OLIG2: variants seen among roughly 807,000 people sequenced by gnomAD.
The protein encoded by OLIG2 is basic domain, helix-loop-helix protein, class B, 1.
A neutral mutation model predicts 13.4 loss-of-function variants in OLIG2; 12 were observed. The observed-to-expected ratio is 0.90, with a 90% confidence interval of 0.58 to 1.46. The LOEUF (loss-of-function observed/expected upper bound fraction) is 1.46, where lower values mean the gene tolerates loss of function less well. OLIG2 is among the 40% of genes most tolerant of loss of function. OLIG2 has a pLI of 0.00. For missense variants in OLIG2, 415 were observed against 487.9 expected, an observed-to-expected ratio of 0.85 and a Z score of 1.41; for synonymous variants, 250 against 233.6, an observed-to-expected ratio of 1.07 and a Z score of -0.64.
rs984290523 is a variant in OLIG2 at position 33,026,645 on chromosome 21, G to C, written c.-62-156G>C. 6.6e-6 allele frequency: 4 copies of C among 602,464 alleles called. No individual in the cohort carries two copies. The Admixed American group carries it at 9.1e-5, about 14-fold the overall frequency. The allele number at this position is 602,464 out of a possible 1,614,324, so 37.3% of individuals were successfully genotyped here. A position where few individuals can be genotyped will look rare whatever the true frequency, so the allele number is the denominator to read the frequency against. On this transcript the variant is annotated intron_variant, in intron 1 of 1. Coordinates refer to ENST00000382357, the MANE Select transcript of OLIG2 (RefSeq NM_005806.4). This position sits in a 1 kb window ranked among gnomAD's most constrained non-coding sequence, Gnocchi z 6.6. The stretch of plus-strand genomic sequence containing the variant: ...AAGGAGGGCCAGAGATAGTAGCGAG[G>C]GGGACGAGGAGCCACGGGCCACCTG...
rs1163676681 is a variant in OLIG2 at position 33,028,200 on chromosome 21, T to G, written c.*366T>G. Reference sequence around the variant, plus strand: ...CTAAAAACTTCTTTCCCTGAGAGCGTGGCCTGACTTGCAGACTCGGCTTGG... The same window carrying G: ...CTAAAAACTTCTTTCCCTGAGAGCGGGGCCTGACTTGCAGACTCGGCTTGG... On this transcript the variant is annotated 3_prime_UTR_variant, in exon 2 of 2. Coordinates refer to ENST00000382357, the MANE Select transcript of OLIG2 (RefSeq NM_005806.4). 1.2e-5 allele frequency: 3 copies of G among 258,472 alleles called. No individual in the cohort carries two copies. The highest frequency in any genetic ancestry group is 5.9e-5 in the East Asian group (1 of 17,070). The allele number at this position is 258,472 out of a possible 1,614,324, so 16.0% of individuals were successfully genotyped here. A position where few individuals can be genotyped will look rare whatever the true frequency, so the allele number is the denominator to read the frequency against.
chr21:33,027,033 C>T lies in OLIG2; in HGVS notation c.171C>T (p.Gly57=), dbSNP rs1451533809. The T allele has an allele frequency of 6.2e-7, 1 of 1,611,576 alleles. No individual in the cohort carries two copies. The highest frequency in any genetic ancestry group is 1.3e-5 in the African/African-American group (1 of 74,992). Residue 57 remains glycine (G), a synonymous_variant, in exon 2 of 2, where the codon GGC becomes GGT. Coordinates refer to ENST00000382357, the MANE Select transcript of OLIG2 (RefSeq NM_005806.4). ...CGGAGCTGAGCGCCGAGCTGCGCGG[C>T]GCTATGGGCTCTGCGGGCGCGCATC... is the stretch of plus-strand genomic sequence containing the variant. ...CPPELSAELR[G]AMGSAGAHPG...
chr21:33,027,018 C>G lies in OLIG2; in HGVS notation c.156C>G (p.Ser52Arg), dbSNP rs371616082. 2.5e-6 allele frequency: 4 copies of G among 1,611,778 alleles called. No homozygotes were observed. Among genetic ancestry groups the G allele is most frequent in the Non-Finnish European group, 3.4e-6 (4 of 1,179,228 alleles). ...STPSDCPPEL[S>R]AELRGAMGSA... ...CGAGTGACTGCCCGCCGGAGCTGAG[C>G]GCCGAGCTGCGCGGCGCTATGGGCT... is the stretch of plus-strand genomic sequence containing the variant. The change falls in exon 2 of 2, where the codon AGC (serine) becomes AGG (arginine). Residue 52 changes from serine (S) to arginine (R), a missense_variant. Physicochemically the swap from Ser to Arg is moderately radical, Grantham distance 110. Around this residue, in one of 3 missense-constraint regions of OLIG2, gnomAD observed 122 missense variants for 126.8 expected, o/e 0.96. Coordinates refer to ENST00000382357, the MANE Select transcript of OLIG2 (RefSeq NM_005806.4).
chr21:33,026,796 G>A lies in OLIG2; in HGVS notation c.-62-5G>A. ...TCTCTCTCTTTTCTCCTCCTCTCCT[G>A]GAAGTTTTCGGGTCCGAGGGAAGGA... On this transcript the variant is annotated splice_region_variant and splice_polypyrimidine_tract_variant and intron_variant, in intron 1 of 1. Coordinates refer to ENST00000382357, the MANE Select transcript of OLIG2 (RefSeq NM_005806.4). The surrounding 1 kb of genome is among the most constrained non-coding windows in gnomAD (Gnocchi z 6.6). 1 of 1,569,552 alleles carries A rather than the reference G, an allele frequency of 6.4e-7. No homozygotes were observed. Among genetic ancestry groups the A allele is most frequent in the Non-Finnish European group, 8.6e-7 (1 of 1,159,488 alleles).
In OLIG2 at chr21:33,027,288, G is replaced by C. The variant is rs370801068; in HGVS notation, c.426G>C (p.Ser142=). The change falls in exon 2 of 2, where the codon TCG becomes TCC. Residue 142 remains serine, a synonymous_variant. Transcript: ENST00000382357. ...TCATGCCGTACGCACACGGCCCTTCGGTGCGCAAGCTTTCCAAGATCGCCA... is the reference window on the plus strand; with the variant it reads ...TCATGCCGTACGCACACGGCCCTTCCGTGCGCAAGCTTTCCAAGATCGCCA... ...REVMPYAHGP[S]VRKLSKIATL... 4 of 1,606,864 alleles carry C rather than the reference G, an allele frequency of 2.5e-6. No individual in the cohort carries two copies. The highest frequency in any genetic ancestry group is 3.4e-6 in the Non-Finnish European group (4 of 1,177,104).
chr21:33,028,875 C>A lies in OLIG2; in HGVS notation c.*1041C>A, dbSNP rs1208991105. 1 of 242,388 alleles carries A rather than the reference C, an allele frequency of 4.1e-6. No homozygotes were observed. The highest frequency in any genetic ancestry group is 8.7e-6 in the Non-Finnish European group (1 of 114,606). 15.0% of individuals were successfully genotyped at this position (242,388 alleles called of 1,614,324 possible). On this transcript the variant is annotated 3_prime_UTR_variant, in exon 2 of 2. Transcript: ENST00000382357. ...TGCGCAATGCTAAGCTGTTTGCTCA[C>A]GTGACTGCCAGCCCCATCGGAGTCT... is the stretch of plus-strand genomic sequence containing the variant.
Position 33,026,739 on chromosome 21 carries a change from T to TCC in OLIG2, c.-62-61_-62-60insCC. On this transcript the variant is annotated intron_variant, in intron 1 of 1. Coordinates refer to ENST00000382357, the MANE Select transcript of OLIG2 (RefSeq NM_005806.4). This position sits in a 1 kb window ranked among gnomAD's most constrained non-coding sequence, Gnocchi z 6.6. ...GCTTTTCTGTCTCTCACTGACTCACTCTCTCTCTCTCTCCCTCTCTCTCTC... is the reference window on the plus strand; with the variant it reads ...GCTTTTCTGTCTCTCACTGACTCACTCCCTCTCTCTCTCTCCCTCTCTCTCTC... The TCC allele has an allele frequency of 1.0e-6, 1 of 965,298 alleles. No individual in the cohort carries two copies. The highest frequency in any genetic ancestry group is 1.4e-6 in the Non-Finnish European group (1 of 695,192). The allele number at this position is 965,298 out of a possible 1,614,324, so 59.8% of individuals were successfully genotyped here.
Position 33,026,910 on chromosome 21 carries a change from G to C in OLIG2, c.48G>C (p.Glu16Asp). 1 of 1,611,796 alleles carries C rather than the reference G, an allele frequency of 6.2e-7. No individual in the cohort carries two copies. Among genetic ancestry groups the C allele is most frequent in the Middle Eastern group, 1.6e-4 (1 of 6,062 alleles). Reference protein sequence around the residue: ...SLVSSRPSSPEPDDLFLPARS... With the variant: ...SLVSSRPSSPDPDDLFLPARS... The stretch of plus-strand genomic sequence containing the variant: ...TGTCCAGCCGCCCGTCGTCGCCAGA[G>C]CCCGATGACCTTTTTCTGCCGGCCC... The change falls in exon 2 of 2, where the codon GAG (glutamate) becomes GAC (aspartate). Residue 16 changes from glutamate to aspartate, a missense_variant. Transcript: ENST00000382357. This position sits in a 1 kb window ranked among gnomAD's most constrained non-coding sequence, Gnocchi z 6.6.
At position 33,026,375 on chromosome 21, in the gene OLIG2, TCCGTTTGAGGAA is replaced by T. The variant is rs1981071455; in HGVS notation, c.-63+352_-63+363del. 6.2e-6 allele frequency: 1 copy of T among 161,210 alleles called. No individual in the cohort carries two copies. Among genetic ancestry groups the T allele is most frequent in the Admixed American group, 5.9e-5 (1 of 17,016 alleles). 10.0% of individuals were successfully genotyped at this position (161,210 alleles called of 1,614,324 possible). A position where few individuals can be genotyped will look rare whatever the true frequency, so the allele number is the denominator to read the frequency against. On this transcript the variant is annotated intron_variant, in intron 1 of 1. Transcript: ENST00000382357. The surrounding 1 kb of genome is among the most constrained non-coding windows in gnomAD (Gnocchi z 6.6). The stretch of plus-strand genomic sequence containing the variant: ...GTGGTGTCGATGGAGATAAGGTGGA[TCCGTTTGAGGAA>T]CCAAATCATTAGTTCTCTATCTAGA...
At position 33,028,563 on chromosome 21, in the gene OLIG2, T is replaced by A. The variant is rs753495444; in HGVS notation, c.*729T>A. The A allele has an allele frequency of 1.1e-4, 27 of 241,290 alleles. No individual in the cohort carries two copies. Among genetic ancestry groups the A allele is most frequent in the Non-Finnish European group, 2.1e-4 (24 of 113,810 alleles). The allele number at this position is 241,290 out of a possible 1,614,324, so 14.9% of individuals were successfully genotyped here. A position where few individuals can be genotyped will look rare whatever the true frequency, so the allele number is the denominator to read the frequency against. On this transcript the variant is annotated 3_prime_UTR_variant, in exon 2 of 2. Coordinates refer to ENST00000382357, the MANE Select transcript of OLIG2 (RefSeq NM_005806.4). ...TGTGGATGTTCCTTCTTCAACAGTATGAGCAAGTTTATAGACATTCAGAGT... is the reference window on the plus strand; with the variant it reads ...TGTGGATGTTCCTTCTTCAACAGTAAGAGCAAGTTTATAGACATTCAGAGT...
rs1981081150 is a variant in OLIG2, at chr21:33,026,629, C to T, written c.-62-172C>T. On this transcript the variant is annotated intron_variant, in intron 1 of 1. Transcript: ENST00000382357. This position sits in a 1 kb window ranked among gnomAD's most constrained non-coding sequence, Gnocchi z 6.6. ...ACCCGCGTGCAGCTAAAAGGAGGGC[C>T]AGAGATAGTAGCGAGGGGGACGAGG... 1.9e-5 allele frequency: 11 copies of T among 588,542 alleles called. No individual in the cohort carries two copies. The highest frequency in any genetic ancestry group is 3.3e-5 in the Non-Finnish European group (11 of 331,908). 36.5% of individuals were successfully genotyped at this position (588,542 alleles called of 1,614,324 possible). A position where few individuals can be genotyped will look rare whatever the true frequency, so the allele number is the denominator to read the frequency against.
chr21:33,026,743 T>G lies in OLIG2; in HGVS notation c.-62-58T>G. Reference sequence around the variant, plus strand: ...TTCTGTCTCTCACTGACTCACTCTCTCTCTCTCTCCCTCTCTCTCTCTCTC... The same window carrying G: ...TTCTGTCTCTCACTGACTCACTCTCGCTCTCTCTCCCTCTCTCTCTCTCTC... On this transcript the variant is annotated intron_variant, in intron 1 of 1. Transcript: ENST00000382357. The surrounding 1 kb of genome is among the most constrained non-coding windows in gnomAD (Gnocchi z 6.6). 1 of 1,298,088 alleles carries G rather than the reference T, an allele frequency of 7.7e-7. No homozygotes were observed. Among genetic ancestry groups the G allele is most frequent in the East Asian group, 2.5e-5 (1 of 39,536 alleles). 80.4% of individuals were successfully genotyped at this position (1,298,088 alleles called of 1,614,324 possible). A position where few individuals can be genotyped will look rare whatever the true frequency, so the allele number is the denominator to read the frequency against.
Position 33,026,466 on chromosome 21 carries a change from G to C in OLIG2, c.-62-335G>C, listed in dbSNP as rs1465021231. 2 of 219,448 alleles carry C rather than the reference G, an allele frequency of 9.1e-6. No homozygotes were observed. The highest frequency in any genetic ancestry group is 1.8e-5 in the Non-Finnish European group (2 of 109,184). The allele number at this position is 219,448 out of a possible 1,614,324, so 13.6% of individuals were successfully genotyped here. A position where few individuals can be genotyped will look rare whatever the true frequency, so the allele number is the denominator to read the frequency against. ...ACTTCCCACTCGTTTATTCCAGCCC[G>C]GGGGCTCAGTTTTCCCACACCTAAC... is the stretch of plus-strand genomic sequence containing the variant. On this transcript the variant is annotated intron_variant, in intron 1 of 1. Transcript: ENST00000382357. The surrounding 1 kb of genome is among the most constrained non-coding windows in gnomAD (Gnocchi z 6.6).
rs909259282 is a variant in OLIG2, at chr21:33,028,003, G to A, written c.*169G>A. ...GCATCTGCGAACCCAAGCAATGGGGGCGCCCACAGAGCAGTGGGGAGTGAG... is the reference window on the plus strand; with the variant it reads ...GCATCTGCGAACCCAAGCAATGGGGACGCCCACAGAGCAGTGGGGAGTGAG... On this transcript the variant is annotated 3_prime_UTR_variant, in exon 2 of 2. Transcript: ENST00000382357. The A allele has an allele frequency of 4.3e-6, 3 of 699,882 alleles. No homozygotes were observed. In the African/African-American group the frequency reaches 5.7e-5, roughly 13 times the overall value. The allele number at this position is 699,882 out of a possible 1,614,324, so 43.4% of individuals were successfully genotyped here. A position where few individuals can be genotyped will look rare whatever the true frequency, so the allele number is the denominator to read the frequency against.
rs377035667 is a variant in OLIG2 at position 33,027,357 on chromosome 21, G to C, written c.495G>C (p.Ser165=). Residue 165 remains serine, a synonymous_variant, in exon 2 of 2, where the codon TCG becomes TCC. Transcript: ENST00000382357. ...ARNYILMLTN[S]LEEMKRLVSE... is the part of the protein sequence containing the mutation. ...ACTACATCCTCATGCTCACCAACTC[G>C]CTGGAGGAGATGAAGCGACTGGTGA... 4 of 1,561,126 alleles carry C rather than the reference G, an allele frequency of 2.6e-6. No individual in the cohort carries two copies. Among genetic ancestry groups the C allele is most frequent in the East Asian group, 2.4e-5 (1 of 41,586 alleles).
Position 33,026,816 on chromosome 21 carries a change from G to T in OLIG2, c.-47G>T. Reference sequence around the variant, plus strand: ...CTCCTGGAAGTTTTCGGGTCCGAGGGAAGGAGGACCCTGCGAAAGCTGCGA... The same window carrying T: ...CTCCTGGAAGTTTTCGGGTCCGAGGTAAGGAGGACCCTGCGAAAGCTGCGA... On this transcript the variant is annotated 5_prime_UTR_variant, in exon 2 of 2. Transcript: ENST00000382357. The surrounding 1 kb of genome is among the most constrained non-coding windows in gnomAD (Gnocchi z 6.6). 1.3e-6 allele frequency: 2 copies of T among 1,594,934 alleles called. No individual in the cohort carries two copies. Among genetic ancestry groups the T allele is most frequent in the South Asian group, 1.1e-5 (1 of 90,458 alleles).
At position 33,026,182 on chromosome 21, in the gene OLIG2, A is replaced by T. The variant is rs1473769052; in HGVS notation, c.-63+156A>T. 6.6e-6 allele frequency: 1 copy of T among 152,256 alleles called. No individual in the cohort carries two copies. The highest frequency in any genetic ancestry group is 1.5e-5 in the Non-Finnish European group (1 of 68,330). The allele number at this position is 152,256 out of a possible 1,614,324, so 9.4% of individuals were successfully genotyped here. A position where few individuals can be genotyped will look rare whatever the true frequency, so the allele number is the denominator to read the frequency against. On this transcript the variant is annotated intron_variant, in intron 1 of 1. Coordinates refer to ENST00000382357, the MANE Select transcript of OLIG2 (RefSeq NM_005806.4). This position sits in a 1 kb window ranked among gnomAD's most constrained non-coding sequence, Gnocchi z 6.6. ...GACTTTGCTCTTCTGTCCTCCCCAC[A>T]CTCACCGCTGCATCTCCCTCACCAA... is the stretch of plus-strand genomic sequence containing the variant.
Position 33,027,356 on chromosome 21 carries a change from C to A in OLIG2, c.494C>A (p.Ser165Ter). 2 of 1,561,686 alleles carry A rather than the reference C, an allele frequency of 1.3e-6. No individual in the cohort carries two copies. Among genetic ancestry groups the A allele is most frequent in the East Asian group, 4.8e-5 (2 of 41,608 alleles). The change falls in exon 2 of 2, where the codon TCG (serine) becomes TAG (stop). Residue 165 changes from serine (S) to a stop codon, truncating the protein, a stop_gained. Transcript: ENST00000382357. LOFTEE classifies it high-confidence loss of function. ...AACTACATCCTCATGCTCACCAACT[C>A]GCTGGAGGAGATGAAGCGACTGGTG... Reference protein sequence around the residue: ...ARNYILMLTNSLEEMKRLVSE... With the variant: ...ARNYILMLTN
chr21:33,026,733 ACTCACT>A lies in OLIG2; in HGVS notation c.-62-64_-62-59del. ...GGAGCAGCTTTTCTGTCTCTCACTG[ACTCACT>A]CTCTCTCTCTCTCCCTCTCTCTCTC... On this transcript the variant is annotated intron_variant, in intron 1 of 1. Coordinates refer to ENST00000382357, the MANE Select transcript of OLIG2 (RefSeq NM_005806.4). The surrounding 1 kb of genome is among the most constrained non-coding windows in gnomAD (Gnocchi z 6.6). 1 of 1,149,626 alleles carries A rather than the reference ACTCACT, an allele frequency of 8.7e-7. No individual in the cohort carries two copies. Among genetic ancestry groups the A allele is most frequent in the Non-Finnish European group, 1.2e-6 (1 of 840,188 alleles). 71.2% of individuals were successfully genotyped at this position (1,149,626 alleles called of 1,614,324 possible). A position where few individuals can be genotyped will look rare whatever the true frequency, so the allele number is the denominator to read the frequency against.
Sources: allele counts gnomAD v4.1 joint callset, GRCh38; gene constraint gnomAD v4.1.1; regional missense constraint gnomAD v4.1.1; non-coding constraint Gnocchi (gnomAD v3.1); transcripts MANE v1.5; gene names NCBI Gene and HGNC (gene_info 2026-07-23, HGNC 2026-07-21).